NPRL3: variants seen among roughly 807,000 people sequenced by gnomAD.
NPRL3 encodes GATOR1 complex protein NPRL3.
A neutral mutation model predicts 57.2 loss-of-function variants in NPRL3; 23 were observed. That is an observed-to-expected ratio of 0.40 (90% CI 0.29 to 0.57). The LOEUF is 0.57. NPRL3 is among the 20% of genes least tolerant of loss of function. The probability of loss-of-function intolerance (pLI) is 0.42; values close to 1 mark genes in which losing one functional copy is unlikely to be tolerated. For missense variants in NPRL3, 691 were observed against 767.1 expected, an observed-to-expected ratio of 0.90 and a Z score of 1.17; for synonymous variants, 333 against 321.1, an observed-to-expected ratio of 1.04 and a Z score of -0.39.
chr16:89,578 C>T (rs1212930771), intron 12 of NPRL3, 135 bp downstream of exon 12: 7 of 797,752 alleles, frequency 8.8e-6, no homozygotes, highest in African/African-American at 5.5e-5. Context: ...CCACGGGGGA[C>T]ACGAGGCACG....
chr16:134,756 C>G (rs1468392217), intron 2 of NPRL3, among the ~76,000 whole-genome samples: 2 of 130,648 alleles, frequency 1.5e-5, no homozygotes, highest in Non-Finnish European at 3.1e-5. Flanking sequence ...GGCTGGAGTG[C>G]AGTGGCGCGA....
chr16:134,694 A>ATTATTATTATTTTTTTTT (rs1346965930), intron 2 of NPRL3, among the ~76,000 whole-genome samples: 4 of 103,412 alleles, frequency 3.9e-5, no homozygotes, highest in Admixed American at 1.2e-4. Flanking sequence ...AATTATTATT[A>ATTATTATTATTTTTTTTT]TTTTTTTTTT....
intron 7 of NPRL3, among the ~76,000 whole-genome samples, chr16:108,898 C>T (rs1055462522): frequency 3.3e-5 from 5 of 151,480 alleles, no homozygotes; most frequent in African/African-American, 1.2e-4. Flanking sequence ...TCTCGAACTC[C>T]TGACCTCGTG....
At chr16:133,502 T>C (rs1900910709) in intron 2 of NPRL3, among the ~76,000 whole-genome samples, 1 of 151,234 alleles carries the variant, frequency 6.6e-6, no homozygotes, top group Admixed American at 6.6e-5. Flanking sequence ...AGTGCTAGGA[T>C]TACAGGCATG....
chr16:130,547 C>A lies in NPRL3; in HGVS notation c.163G>T (p.Ala55Ser). The A allele has an allele frequency of 6.4e-7, 1 of 1,554,404 alleles. No individual in the cohort carries two copies. Among genetic ancestry groups the A allele is most frequent in the Non-Finnish European group, 8.7e-7 (1 of 1,148,676 alleles). Reference sequence around the variant, plus strand: ...CTGGAATCGCCGTCCTGCTCATCAGCATGGTCGCCCGTGTTGCTGGCAGCG... The same window carrying A: ...CTGGAATCGCCGTCCTGCTCATCAGAATGGTCGCCCGTGTTGCTGGCAGCG... ...RYAASNTGDH[A>S]DEQDGDSRFS... Residue 55 changes from alanine (A) to serine (S), a missense_variant, in exon 3 of 14, where the codon GCT becomes TCT. By Grantham distance (99) the Ala-to-Ser change is moderately conservative. Coordinates refer to ENST00000611875, the MANE Select transcript of NPRL3 (RefSeq NM_001077350.3).
intron 1 of NPRL3, 138 bp downstream of exon 1, chr16:138,502 GGC>G (rs1901243519): frequency 4.6e-5 from 1 of 21,556 alleles, no homozygotes; most frequent in Admixed American, 2.7e-4. Context: ...GCCTGAGGAG[GGC>G]AGGGGTGGAG....
chr16:120,253 C>G (rs545434635), intron 3 of NPRL3, among the ~76,000 whole-genome samples: 1 of 152,308 alleles, frequency 6.6e-6, no homozygotes, highest in South Asian at 2.1e-4. Flanking sequence ...TGGGGAAGCT[C>G]TAGCCTCCGC....
intron 7 of NPRL3, among the ~76,000 whole-genome samples, chr16:107,909 C>A (rs1157696156): frequency 6.6e-6 from 1 of 152,208 alleles, no homozygotes; most frequent in Non-Finnish European, 1.5e-5. Context: ...AATAAGGGAA[C>A]AATGTCCAAG....
chr16:134,993 G>A (rs529480386), intron 2 of NPRL3, among the ~76,000 whole-genome samples: 20 of 152,154 alleles, frequency 1.3e-4, no homozygotes, highest in Admixed American at 5.9e-4. Context: ...GAGCCACCGC[G>A]CCCGGCCAAG....
At chr16:99,825 C>T (rs561254853) in intron 8 of NPRL3, among the ~76,000 whole-genome samples, 61 of 151,332 alleles carry the variant, frequency 4.0e-4, no homozygotes, top group African/African-American at 1.4e-3. Context: ...CCCAACTACT[C>T]GGGAGCCTGA....
At chr16:119,834 G>A (rs1900209984) in intron 3 of NPRL3, among the ~76,000 whole-genome samples, 2 of 152,236 alleles carry the variant, frequency 1.3e-5, no homozygotes, top group Admixed American at 1.3e-4. Context: ...TTTTTATCAG[G>A]GAAGAAGCTT....
chr16:137,114 G>A (rs1901130879), intron 2 of NPRL3, among the ~76,000 whole-genome samples: 2 of 151,742 alleles, frequency 1.3e-5, no homozygotes, highest in African/African-American at 4.9e-5. Context: ...CAGCTACTTG[G>A]GAGGCTGAGG....
intron 7 of NPRL3, among the ~76,000 whole-genome samples, chr16:106,827 G>C (rs1229278063): frequency 6.6e-6 from 1 of 152,046 alleles, no homozygotes. Flanking sequence ...TGGAAACTCA[G>C]TCTCCTCCTC....
chr16:87,800 G>C (rs1898563052), intron 13 of NPRL3, among the ~76,000 whole-genome samples: 1 of 146,712 alleles, frequency 6.8e-6, no homozygotes, highest in African/African-American at 2.5e-5. Context: ...TCGATCTCCT[G>C]ACCTCGTGAT....
At position 119,115 on chromosome 16, in the gene NPRL3, G is replaced by T. The variant is rs762005842; in HGVS notation, c.318+11C>A. 1.2e-6 allele frequency: 2 copies of T among 1,613,358 alleles called. No individual in the cohort carries two copies. ...CCAGGGAGAGCCCCACCTGCCCAGGGAGAGCCATACCTGCCCCAGAGCATG... is the reference window on the plus strand; with the variant it reads ...CCAGGGAGAGCCCCACCTGCCCAGGTAGAGCCATACCTGCCCCAGAGCATG... On this transcript the variant is annotated intron_variant, in intron 4 of 13. Coordinates refer to ENST00000611875, the MANE Select transcript of NPRL3 (RefSeq NM_001077350.3).
chr16:118,069 A>G (rs2141958767), intron 4 of NPRL3, among the ~76,000 whole-genome samples: 1 of 152,278 alleles, frequency 6.6e-6, no homozygotes, highest in Middle Eastern at 3.4e-3. Context: ...ACTGTGCCCC[A>G]GCTGTGGAGG....
At chr16:119,821 C>T (rs1237415101) in intron 3 of NPRL3, among the ~76,000 whole-genome samples, 7 of 152,216 alleles carry the variant, frequency 4.6e-5, no homozygotes, top group African/African-American at 9.6e-5. Flanking sequence ...TTAAACTTTC[C>T]GGTTTTTATC....
chr16:99,966 A>G (rs1899201768), intron 8 of NPRL3, among the ~76,000 whole-genome samples: 1 of 142,254 alleles, frequency 7.0e-6, no homozygotes, highest in African/African-American at 3.0e-5. Context: ...CCGCAAAAAA[A>G]AAAAAAAAAA....
intron 3 of NPRL3, among the ~76,000 whole-genome samples, chr16:122,785 G>A (rs932820260): frequency 1.3e-5 from 2 of 152,218 alleles, no homozygotes; most frequent in African/African-American, 4.8e-5. Context: ...AGACATCCTG[G>A]AAGGGAGCTC....
Sources: gnomAD v4.1 joint callset for allele counts (sites outside exome capture counted in the v4.1 genomes callset) on GRCh38, gnomAD v4.1.1 for gene constraint, MANE v1.5 for transcripts, NCBI Gene and HGNC (gene_info 2026-07-23, HGNC 2026-07-21) for gene names.